Variants in CDH13 observed in about 807,000 individuals in gnomAD.
CDH13 encodes the protein cadherin 13, also known as cadherin-13.
CDH13 carries 24 observed loss-of-function variants against 63.8 expected under a neutral mutation model. The observed-to-expected ratio is 0.38, with a 90% CI of 0.27 to 0.53. The LOEUF is 0.53. CDH13 is among the 20% of genes least tolerant of loss of function. The pLI is 0.85. For synonymous variants in CDH13, 503 were observed against 355.3 expected, an observed-to-expected ratio of 1.42 and a Z score of -4.67; for missense variants, 1,049 against 903.1, an observed-to-expected ratio of 1.16 and a Z score of -2.07.
chr16:82,882,697 T>A (rs2040749251), intron 2 of CDH13, among the ~76,000 whole-genome samples: 1 of 152,042 alleles, frequency 6.6e-6, no homozygotes, highest in Non-Finnish European at 1.5e-5. Flanking sequence ...TTCCTTCCTT[T>A]TAGAAAAAAC....
chr16:83,733,011 A>T (rs567090026), intron 10 of CDH13, among the ~76,000 whole-genome samples: 2 of 152,318 alleles, frequency 1.3e-5, no homozygotes, highest in South Asian at 4.2e-4. Context: ...TTGTGTGAAA[A>T]TTACAACATC....
At chr16:82,639,460 A>G (rs1209601880) in intron 1 of CDH13, 42 of 1,529,748 alleles carry the variant, frequency 2.7e-5, no homozygotes, top group Non-Finnish European at 3.4e-5. Context: ...AGCTTCAACC[A>G]TGCAGGTAAA....
chr16:82,989,182 C>T (rs1376205289), intron 2 of CDH13, among the ~76,000 whole-genome samples: 1 of 152,130 alleles, frequency 6.6e-6, no homozygotes, highest in African/African-American at 2.4e-5. Flanking sequence ...ATACCTGGAA[C>T]ATGGCAGTGT....
chr16:83,675,176 T>G (rs916034960), intron 9 of CDH13, among the ~76,000 whole-genome samples: 1 of 152,138 alleles, frequency 6.6e-6, no homozygotes, highest in Non-Finnish European at 1.5e-5. Context: ...CAAAGCACAT[T>G]AGTAAGATTG....
intron 11 of CDH13, among the ~76,000 whole-genome samples, chr16:83,749,542 A>G (rs80339644): frequency 4.4e-3 from 669 of 152,318 alleles, no homozygotes; most frequent in Non-Finnish European, 7.3e-3. Context: ...GTATGTGGAA[A>G]AGTCACATCT....
At chr16:83,700,452 C>G (rs72797240) in intron 10 of CDH13, among the ~76,000 whole-genome samples, 38,617 of 152,206 alleles carry the variant, frequency 0.25, 5,426 homozygotes, top group Middle Eastern at 0.44. Context: ...TCAGTTGCCT[C>G]AGCAGCTGCT....
At chr16:83,120,596 C>T (rs911248186) in intron 3 of CDH13, among the ~76,000 whole-genome samples, 2 of 152,186 alleles carry the variant, frequency 1.3e-5, no homozygotes, top group East Asian at 1.9e-4. Context: ...TTCTCTAGAC[C>T]AGCTCTCATC....
chr16:83,590,388 G>C (rs1227105074), intron 7 of CDH13, among the ~76,000 whole-genome samples: 1 of 152,138 alleles, frequency 6.6e-6, no homozygotes, highest in African/African-American at 2.4e-5. Context: ...AGTTGTTTGA[G>C]GTAAGAGAGA....
At chr16:83,377,557 T>G (rs934836183) in intron 6 of CDH13, among the ~76,000 whole-genome samples, 2 of 152,220 alleles carry the variant, frequency 1.3e-5, no homozygotes, top group African/African-American at 4.8e-5. Flanking sequence ...TCCTTTAATG[T>G]GCCCATTGGT....
At chr16:82,732,165 T>G (rs1289658499) in intron 1 of CDH13, among the ~76,000 whole-genome samples, 2 of 152,218 alleles carry the variant, frequency 1.3e-5, no homozygotes. Context: ...ACCAAAAGAC[T>G]GCACGCTTCC....
chr16:83,552,776 C>A (rs2075530374), intron 7 of CDH13, among the ~76,000 whole-genome samples: 1 of 152,144 alleles, frequency 6.6e-6, no homozygotes, highest in Non-Finnish European at 1.5e-5. Context: ...TGCCTGTGTT[C>A]AGTCTTTCAA....
chr16:82,866,197 G>C (rs1472140164), intron 2 of CDH13, among the ~76,000 whole-genome samples: 1 of 151,912 alleles, frequency 6.6e-6, no homozygotes, highest in Non-Finnish European at 1.5e-5. Context: ...ACAAGTCTCT[G>C]GGAAGTTCCA....
chr16:83,016,000 T>C (rs140873344), intron 2 of CDH13, among the ~76,000 whole-genome samples: 158 of 152,126 alleles, frequency 1.0e-3, no homozygotes, highest in Non-Finnish European at 2.0e-3. Context: ...ATGTGAGCGC[T>C]ATTGTTGTCG....
intron 4 of CDH13, among the ~76,000 whole-genome samples, chr16:83,191,167 G>C (rs778477039): frequency 6.8e-6 from 1 of 147,568 alleles, no homozygotes; most frequent in African/African-American, 2.5e-5. Context: ...GATATGGAAA[G>C]AATAAGAACC....
At chr16:83,670,714 A>G in intron 8 of CDH13, 76 bp from the exon 9 acceptor site, 1 of 1,264,544 alleles carries the variant, frequency 7.9e-7, no homozygotes, top group Non-Finnish European at 1.1e-6. Context: ...TGTGTGTAAC[A>G]TACCCAATGC....
rs1176861916 is a variant in CDH13, at chr16:83,014,769, TA to T, written c.158-17240del. Among the ~76,000 whole-genome samples the T allele has an allele frequency of 2.1e-3, 102 of 48,590 alleles. 1 individual carries two copies. Among genetic ancestry groups the T allele is most frequent in the African/African-American group, 7.1e-3 (101 of 14,302 alleles). The allele number at this position is 48,590 out of a possible 152,430, so 31.9% of individuals were successfully genotyped here. Reference sequence around the variant, plus strand: ...ATATATATATATATATATATATATATATATATGTATATATATATATTTGTAT... The same window carrying T: ...ATATATATATATATATATATATATATTATATGTATATATATATATTTGTAT... On this transcript the variant is annotated intron_variant, in intron 2 of 13. Transcript: ENST00000567109.
At chr16:82,761,701 G>C (rs1215443547) in intron 1 of CDH13, among the ~76,000 whole-genome samples, 1 of 152,164 alleles carries the variant, frequency 6.6e-6, no homozygotes, top group Non-Finnish European at 1.5e-5. Flanking sequence ...ACTTCCACTT[G>C]TTTAAGTTAG....
intron 1 of CDH13, among the ~76,000 whole-genome samples, chr16:82,774,805 C>G (rs1045217044): frequency 1.3e-5 from 2 of 152,228 alleles, no homozygotes; most frequent in African/African-American, 4.8e-5. Flanking sequence ...GAGAAGCCCC[C>G]TGGTCAGGGT....
intron 6 of CDH13, among the ~76,000 whole-genome samples, chr16:83,457,505 C>T (rs2073055676): frequency 6.6e-6 from 1 of 152,166 alleles, no homozygotes; most frequent in Admixed American, 6.5e-5. Context: ...TGCCACCCAG[C>T]CCCAGCTTCA....
Sources: gnomAD v4.1 joint callset for allele counts (sites outside exome capture counted in the v4.1 genomes callset) on GRCh38, gnomAD v4.1.1 for gene constraint, MANE v1.5 for transcripts, NCBI Gene and HGNC (gene_info 2026-07-23, HGNC 2026-07-21) for gene names.